The following NKD1 variants were observed in gnomAD, a reference collection of about 807,000 sequenced individuals.
The protein encoded by NKD1 is NKD inhibitor of Wnt signaling pathway 1.
In NKD1, 21 loss-of-function variants were observed where a neutral mutation model predicts 56.0. The ratio of observed to expected loss-of-function variants is 0.38; its 90% confidence interval spans 0.27 to 0.54. The LOEUF (loss-of-function observed/expected upper bound fraction) is 0.54, where lower values mean the gene tolerates loss of function less well. Ranked by LOEUF, NKD1 falls within the 20% of genes least tolerant of loss-of-function variation. The pLI is 0.82. For missense variants in NKD1, 578 were observed against 642.7 expected (o/e 0.90, Z 1.09); for synonymous variants, 263 against 265.7 (o/e 0.99, Z 0.10).
chr16:50,573,420 C>T (rs1372875640), intron 3 of NKD1, among the ~76,000 whole-genome samples: 1 of 152,244 alleles, frequency 6.6e-6, no homozygotes, highest in African/African-American at 2.4e-5. Flanking sequence ...CCCTTTGGAG[C>T]TTCTGGGCTC....
At chr16:50,559,985 C>T (rs188324275) in intron 3 of NKD1, among the ~76,000 whole-genome samples, 1 of 152,256 alleles carries the variant, frequency 6.6e-6, no homozygotes, top group African/African-American at 2.4e-5. Context: ...CCTCGGCTTG[C>T]GGTGGCTCCA....
intron 3 of NKD1, among the ~76,000 whole-genome samples, chr16:50,562,779 C>T (rs1057214322): frequency 6.6e-6 from 1 of 152,074 alleles, no homozygotes; most frequent in African/African-American, 2.4e-5. Context: ...AGGGCACTCC[C>T]CATTTGTAGT....
At chr16:50,590,993 T>G (rs951448455) in intron 3 of NKD1, among the ~76,000 whole-genome samples, 2 of 152,050 alleles carry the variant, frequency 1.3e-5, no homozygotes, top group Non-Finnish European at 2.9e-5. Context: ...CCCAGCTATT[T>G]TTTTTTTTCA....
rs535443574 is a variant in NKD1, at chr16:50,625,418, G to C, written c.367-67G>C. 1.0e-5 allele frequency: 12 copies of C among 1,145,026 alleles called. No individual in the cohort carries two copies. In the African/African-American group the frequency reaches 1.8e-4, roughly 17 times the overall value. The allele number at this position is 1,145,026 out of a possible 1,614,324, so 70.9% of individuals were successfully genotyped here. A position where few individuals can be genotyped will look rare whatever the true frequency, so the allele number is the denominator to read the frequency against. On this transcript the variant is annotated intron_variant, in intron 5 of 9. Coordinates refer to ENST00000268459, the MANE Select transcript of NKD1 (RefSeq NM_033119.5). ...CCCCTTGGCCTGGCCTCTAGGCCCA[G>C]GCTTCCACTACCCAGTCAGTGTTGC...
chr16:50,593,287 G>T (rs1339883709), intron 3 of NKD1, among the ~76,000 whole-genome samples: 1 of 152,156 alleles, frequency 6.6e-6, no homozygotes, highest in Non-Finnish European at 1.5e-5. Context: ...AGCCAAAAGG[G>T]GAGATTTTGT....
At chr16:50,613,279 G>A (rs950605541) in intron 4 of NKD1, among the ~76,000 whole-genome samples, 6 of 152,140 alleles carry the variant, frequency 3.9e-5, no homozygotes, top group Admixed American at 1.3e-4. Context: ...AGTTGGGCAA[G>A]AAACAGAGAG....
chr16:50,614,797 A>G (rs1372375803), intron 4 of NKD1, among the ~76,000 whole-genome samples: 2 of 152,184 alleles, frequency 1.3e-5, no homozygotes, highest in Non-Finnish European at 2.9e-5. Flanking sequence ...ATCTTAATAG[A>G]TTGAGGATAA....
intron 3 of NKD1, among the ~76,000 whole-genome samples, chr16:50,592,368 C>T (rs113962931): frequency 1.3e-5 from 2 of 152,220 alleles, no homozygotes; most frequent in African/African-American, 4.8e-5. Context: ...CTCCCCACTC[C>T]ATGATTCATA....
chr16:50,557,418 T>C (rs1194085705), intron 3 of NKD1: 1 of 152,258 alleles, frequency 6.6e-6, no homozygotes, highest in African/African-American at 2.4e-5. Context: ...TCATCGATTT[T>C]TCTTCTCTTA....
chr16:50,612,168 C>T (rs1469754256), intron 4 of NKD1, among the ~76,000 whole-genome samples: 3 of 152,242 alleles, frequency 2.0e-5, no homozygotes, highest in Non-Finnish European at 2.9e-5. Context: ...TGACCTCTCC[C>T]TCTGCCTCAC....
chr16:50,645,110 A>G lies in NKD1; in HGVS notation c.*11329A>G, dbSNP rs971781187. On this transcript the variant is annotated 3_prime_UTR_variant, in exon 10 of 10. Coordinates refer to ENST00000268459, the MANE Select transcript of NKD1 (RefSeq NM_033119.5). Reference sequence around the variant, plus strand: ...GGCTTTCTGTTCATCCGTACTTTCAAAGATTTAGTGATCAAGTACTATGTG... The same window carrying G: ...GGCTTTCTGTTCATCCGTACTTTCAGAGATTTAGTGATCAAGTACTATGTG... 1 of 152,238 alleles carries G rather than the reference A, an allele frequency of 6.6e-6. No individual in the cohort carries two copies. Among genetic ancestry groups the G allele is most frequent in the African/African-American group, 2.4e-5 (1 of 41,464 alleles). 9.4% of individuals were successfully genotyped at this position (152,238 alleles called of 1,614,324 possible).
In NKD1 at chr16:50,548,960, G is replaced by A. The variant is rs1960306058; in HGVS notation, c.58+211G>A. The A allele has an allele frequency of 1.5e-5, 14 of 957,298 alleles. No individual in the cohort carries two copies. In the South Asian group the frequency reaches 6.8e-4, roughly 47 times the overall value. 59.3% of individuals were successfully genotyped at this position (957,298 alleles called of 1,614,324 possible). A position where few individuals can be genotyped will look rare whatever the true frequency, so the allele number is the denominator to read the frequency against. ...CCCGCGGTCCTGCGCTCCCACCGCT[G>A]ACCCTCAACCCCTCCCCCTCCCGCG... On this transcript the variant is annotated intron_variant, in intron 2 of 9. Transcript: ENST00000268459.
intron 3 of NKD1, among the ~76,000 whole-genome samples, chr16:50,582,208 G>A (rs1356203608): frequency 2.0e-5 from 3 of 152,168 alleles, no homozygotes; most frequent in Admixed American, 6.5e-5. Context: ...TGAATCTGGA[G>A]CTGTTTGCTA....
At chr16:50,552,595 A>G (rs539229596) in intron 3 of NKD1, 15 of 152,352 alleles carry the variant, frequency 9.8e-5, no homozygotes, top group African/African-American at 3.4e-4. Context: ...ACAGAAATAA[A>G]TGAGGTCAGG....
At position 50,623,380 on chromosome 16, in the gene NKD1, T is replaced by C. The variant is rs1962136758; in HGVS notation, c.366+1672T>C. Among the ~76,000 whole-genome samples the C allele has an allele frequency of 6.6e-6, 1 of 151,634 alleles. No homozygotes were observed. The highest frequency in any genetic ancestry group is 2.1e-4 in the South Asian group (1 of 4,808). ...GAGGATAGGTAGTATCTAGTAGGAG[T>C]TAGGGCTGCCAGCTTCTTCCTGGAG... On this transcript the variant is annotated intron_variant, in intron 5 of 9. Transcript: ENST00000268459. This position sits in a 1 kb window ranked among gnomAD's most constrained non-coding sequence, Gnocchi z 4.1.
chr16:50,571,357 CCG>C (rs1189661285), intron 3 of NKD1: 1 of 346,730 alleles, frequency 2.9e-6, no homozygotes, highest in African/African-American at 2.2e-5. Context: ...GAGCAGCTGG[CCG>C]CACAGCCTGG....
intron 3 of NKD1, among the ~76,000 whole-genome samples, chr16:50,568,885 CTG>C (rs1960822182): frequency 6.6e-6 from 1 of 152,220 alleles, no homozygotes; most frequent in Admixed American, 6.5e-5. Context: ...GAAGTTTTGT[CTG>C]TGTCTGGAGC....
chr16:50,591,626 A>G (rs926250501), intron 3 of NKD1, among the ~76,000 whole-genome samples: 8 of 152,160 alleles, frequency 5.3e-5, no homozygotes, highest in African/African-American at 1.9e-4. Flanking sequence ...GAGGCAGACC[A>G]CCCAGCTCCC....
chr16:50,606,927 C>T (rs1961725011), intron 3 of NKD1: 1 of 456,656 alleles, frequency 2.2e-6, no homozygotes, highest in Non-Finnish European at 4.4e-6. Context: ...CTGTGTGCAT[C>T]CCTTTCCTGT....
Sources: gnomAD v4.1 joint callset for allele counts (sites outside exome capture counted in the v4.1 genomes callset) on GRCh38, gnomAD v4.1.1 for gene constraint, Gnocchi (gnomAD v3.1) non-coding constraint, MANE v1.5 for transcripts, NCBI Gene and HGNC (gene_info 2026-07-23, HGNC 2026-07-21) for gene names.